Variants in OLFM4 observed in about 807,000 individuals in gnomAD.
OLFM4 encodes olfactomedin 4.
OLFM4 carries 22 observed loss-of-function variants against 25.5 expected under a neutral mutation model. That is an observed-to-expected ratio of 0.86 (90% CI 0.62 to 1.23). The LOEUF is 1.23. Ranked by LOEUF, OLFM4 falls within the 50% of genes most tolerant of loss-of-function variation. The pLI is 0.00. For synonymous variants in OLFM4, 255 were observed against 237.7 expected, an observed-to-expected ratio of 1.07 and a Z score of -0.67; for missense variants, 594 against 619.4, an observed-to-expected ratio of 0.96 and a Z score of 0.44.
intron 1 of OLFM4, among the ~76,000 whole-genome samples, chr13:53,030,289 T>C (rs908693773): frequency 1.3e-5 from 2 of 151,020 alleles, no homozygotes; most frequent in Admixed American, 6.6e-5. Flanking sequence ...AATATATATC[T>C]TTTTGTTGTT....
chr13:53,050,802 T>C lies in OLFM4; in HGVS notation c.*31T>C, dbSNP rs764455863. 2 of 1,527,582 alleles carry C rather than the reference T, an allele frequency of 1.3e-6. No individual in the cohort carries two copies. The highest frequency in any genetic ancestry group is 2.2e-5 in the Admixed American group (1 of 45,330). 94.6% of individuals were successfully genotyped at this position (1,527,582 alleles called of 1,614,324 possible). A position where few individuals can be genotyped will look rare whatever the true frequency, so the allele number is the denominator to read the frequency against. ...TTAGGAGTTAGGGTGAAAGAGAAAA[T>C]GTTTGTTGAAAAAATAGTCTTCTCC... On this transcript the variant is annotated 3_prime_UTR_variant, in exon 5 of 5. Transcript: ENST00000219022.
At chr13:53,033,985 A>AGGCTGAG (rs1566315474) in intron 1 of OLFM4, among the ~76,000 whole-genome samples, 3 of 146,038 alleles carry the variant, frequency 2.1e-5, no homozygotes, top group Non-Finnish European at 4.5e-5. Flanking sequence ...TAAACCCGGG[A>AGGCTGAG]GCCGGAGCTT....
chr13:53,034,753 G>C (rs7991211), intron 2 of OLFM4, among the ~76,000 whole-genome samples: 3 of 151,994 alleles, frequency 2.0e-5, no homozygotes, highest in African/African-American at 4.8e-5. Flanking sequence ...GTGGTACTTA[G>C]GCAGTTGGAA....
intron 4 of OLFM4, among the ~76,000 whole-genome samples, chr13:53,043,738 T>C (rs1343771034): frequency 1.3e-5 from 2 of 152,146 alleles, no homozygotes; most frequent in African/African-American, 2.4e-5. Flanking sequence ...TTTTTTCTTT[T>C]TTCTTCCTAT....
intron 1 of OLFM4, 125 bp from the exon 2 acceptor site, chr13:53,034,223 C>A (rs1245057065): frequency 2.4e-6 from 2 of 832,152 alleles, no homozygotes; most frequent in African/African-American, 1.7e-5. Flanking sequence ...TGATTCTATT[C>A]ATTTATGTAT....
chr13:53,034,645 G>A, intron 2 of OLFM4, 145 bp downstream of exon 2: 1 of 742,246 alleles, frequency 1.3e-6, no homozygotes. Flanking sequence ...TATTTTATAG[G>A]ACACCAATGG....
At chr13:53,045,714 G>A (rs78369541) in intron 4 of OLFM4, among the ~76,000 whole-genome samples, 3,204 of 152,186 alleles carry the variant, frequency 0.021, 106 homozygotes, top group African/African-American at 0.073. Context: ...TGACCCAGTG[G>A]TCAGCTTGAA....
chr13:53,031,888 TG>T lies in OLFM4; in HGVS notation c.205-2459del, dbSNP rs1464212018. Reference sequence around the variant, plus strand: ...GGCCAAGGGGACAAGCTCTTGTCTTTGTCTCCCATCCCCCATGCTTCATTCA... The same window carrying T: ...GGCCAAGGGGACAAGCTCTTGTCTTTTCTCCCATCCCCCATGCTTCATTCA... On this transcript the variant is annotated intron_variant, in intron 1 of 4. Transcript: ENST00000219022. Among the ~76,000 whole-genome samples the T allele has an allele frequency of 7.9e-5, 12 of 152,340 alleles. No homozygotes were observed. The East Asian group carries it at 2.1e-3, about 27-fold the overall frequency.
chr13:53,030,534 C>T (rs1954623998), intron 1 of OLFM4, among the ~76,000 whole-genome samples: 1 of 152,162 alleles, frequency 6.6e-6, no homozygotes, highest in African/African-American at 2.4e-5. Flanking sequence ...AACTCCTGAC[C>T]TCATGATCTG....
chr13:53,048,563 G>T (rs976612738), intron 4 of OLFM4, among the ~76,000 whole-genome samples: 3 of 152,142 alleles, frequency 2.0e-5, no homozygotes, highest in Non-Finnish European at 4.4e-5. Flanking sequence ...AAAGCATTTA[G>T]CAAGGAAAGG....
chr13:53,049,843 A>G, intron 4 of OLFM4, 126 bp from the exon 5 acceptor site: 1 of 978,810 alleles, frequency 1.0e-6, no homozygotes, highest in African/African-American at 1.6e-5. Flanking sequence ...CATCAGAACC[A>G]CTGTTGTTAT....
At chr13:53,037,277 G>C (rs551347097) in intron 2 of OLFM4, among the ~76,000 whole-genome samples, 2 of 152,150 alleles carry the variant, frequency 1.3e-5, no homozygotes, top group African/African-American at 2.4e-5. Context: ...ACTTAGGAAA[G>C]GGATGGCACA....
intron 2 of OLFM4, among the ~76,000 whole-genome samples, chr13:53,035,576 T>C (rs1954654150): frequency 6.6e-6 from 1 of 152,206 alleles, no homozygotes; most frequent in South Asian, 2.1e-4. Context: ...CTACTTTTAT[T>C]TTTTACCCTT....
intron 4 of OLFM4, among the ~76,000 whole-genome samples, chr13:53,049,626 A>G (rs767437847): frequency 2.0e-5 from 3 of 152,240 alleles, no homozygotes; most frequent in Non-Finnish European, 2.9e-5. Context: ...GCTTTCTGAT[A>G]GAAGGAAATA....
chr13:53,028,981 A>G lies in OLFM4; in HGVS notation c.145A>G (p.Ser49Gly). Residue 49 changes from serine to glycine, a missense_variant, in exon 1 of 5, where the codon AGC becomes GGC. Transcript: ENST00000219022. ...TGACTCCAGCTCCAGCTTCAGCTCCAGCTCCAGGTCGGGCTCCAGCTCCAG... is the reference window on the plus strand; with the variant it reads ...TGACTCCAGCTCCAGCTTCAGCTCCGGCTCCAGGTCGGGCTCCAGCTCCAG... ...GVDSSSSFSS[S>G]SRSGSSSSRS... The G allele has an allele frequency of 1.2e-6, 2 of 1,614,166 alleles. No homozygotes were observed. Among genetic ancestry groups the G allele is most frequent in the Non-Finnish European group, 1.7e-6 (2 of 1,180,024 alleles).
At chr13:53,041,431 C>A (rs540217519) in intron 2 of OLFM4, among the ~76,000 whole-genome samples, 2 of 152,186 alleles carry the variant, frequency 1.3e-5, no homozygotes, top group South Asian at 2.1e-4. Flanking sequence ...GATGAGAACA[C>A]ATGGACACAA....
intron 2 of OLFM4, 100 bp downstream of exon 2, chr13:53,034,600 A>C (rs1347612501): frequency 9.6e-7 from 1 of 1,044,378 alleles, no homozygotes. Flanking sequence ...ACTATCAAAG[A>C]CATCACGTTT....
intron 2 of OLFM4, among the ~76,000 whole-genome samples, chr13:53,035,699 C>T (rs1314152219): frequency 6.6e-6 from 1 of 152,194 alleles, no homozygotes; most frequent in Non-Finnish European, 1.5e-5. Context: ...AAATTGAAGG[C>T]TTCCCTGGGA....
At chr13:53,040,464 A>G (rs1954681300) in intron 2 of OLFM4, among the ~76,000 whole-genome samples, 1 of 152,240 alleles carries the variant, frequency 6.6e-6, no homozygotes, top group Non-Finnish European at 1.5e-5. Flanking sequence ...CTAATTGTAT[A>G]TGGCGATCAA....
Sources: allele counts gnomAD v4.1 joint callset (sites outside exome capture counted in the v4.1 genomes callset), GRCh38; gene constraint gnomAD v4.1.1; transcripts MANE v1.5; gene names NCBI Gene and HGNC (gene_info 2026-07-23, HGNC 2026-07-21).